NAV3: variants seen among roughly 807,000 people sequenced by gnomAD.
NAV3 encodes the protein pore membrane and/or filament interacting like protein 1.
NAV3 carries 87 observed loss-of-function variants against 244.7 expected under a neutral mutation model. That is an observed-to-expected ratio of 0.36 (90% confidence interval 0.30 to 0.42). The LOEUF is 0.42. NAV3 is among the 20% of genes least tolerant of loss of function. NAV3 has a pLI of 1.00. For missense variants in NAV3, 2,663 were observed against 2,893.3 expected (o/e 0.92, Z 1.83); for synonymous variants, 1,126 against 1,042.2 (o/e 1.08, Z -1.55).
chr12:78,177,020 A>G (rs1958258888), intron 26 of NAV3, 121 bp from the exon 27 acceptor site: 1 of 873,036 alleles, frequency 1.1e-6, no homozygotes, highest in Non-Finnish European at 1.8e-6. Flanking sequence ...AATTGTTAAT[A>G]CTCTGCTTGT....
In NAV3 at chr12:77,797,594, G is replaced by A. The variant is rs545599652; in HGVS notation, c.73-142725G>A. Among the ~76,000 whole-genome samples, 7 of 139,882 alleles carry A rather than the reference G, an allele frequency of 5.0e-5. No individual in the cohort carries two copies. The South Asian group carries it at 1.4e-3, about 27-fold the overall frequency. 91.8% of individuals were successfully genotyped at this position (139,882 alleles called of 152,430 possible). On this transcript the variant is annotated intron_variant, in intron 2 of 8. Transcript: ENST00000550042. ...GTGGTGGCTCAGGCCTGTAATCCCA[G>A]CACTTTGGGAGGCCGAGGTGGGCGG...
Position 78,168,854 on chromosome 12 carries a change from C to A in NAV3, c.4969C>A (p.His1657Asn). 6.2e-7 allele frequency: 1 copy of A among 1,601,756 alleles called. No individual in the cohort carries two copies. Among genetic ancestry groups the A allele is most frequent in the Admixed American group, 1.7e-5 (1 of 58,052 alleles). Reference protein sequence around the residue: ...AIQGALNGPDHPPKDLRIRRQ... With the variant: ...AIQGALNGPDNPPKDLRIRRQ... ...TCAGGGAGCACTGAATGGTCCAGAC[C>A]ATCCTCCCAAAGGTATATTTAGAAA... The change falls in exon 24 of 40, where the codon CAT (histidine) becomes AAT (asparagine). Residue 1657 changes from histidine to asparagine, a missense_variant. Physicochemically the swap from His to Asn is moderately conservative, Grantham distance 68. This residue lies in a region of NAV3 where 193 missense variants were observed against 200.7 expected (regional missense o/e 0.96). Transcript: ENST00000397909.
At chr12:77,687,442 G>A (rs1289430806) in intron 2 of NAV3, among the ~76,000 whole-genome samples, 5 of 151,970 alleles carry the variant, frequency 3.3e-5, no homozygotes, top group Non-Finnish European at 7.4e-5. Context: ...TTCCTCCTCT[G>A]GGTCCATCCC....
At chr12:77,648,726 G>A (rs711126) in intron 2 of NAV3, among the ~76,000 whole-genome samples, 28,623 of 151,968 alleles carry the variant, frequency 0.19, 3,720 homozygotes, top group African/African-American at 0.36. Context: ...GAAAGAGTAG[G>A]GCTCAAGAGG....
chr12:77,868,863 A>T (rs1212930138), intron 1 of NAV3, among the ~76,000 whole-genome samples: 4 of 151,874 alleles, frequency 2.6e-5, no homozygotes, highest in Non-Finnish European at 2.9e-5. Flanking sequence ...TGAGCTCAGG[A>T]GTTCGAGACC....
At chr12:78,081,196 T>C (rs1212831178) in intron 12 of NAV3, among the ~76,000 whole-genome samples, 1 of 152,218 alleles carries the variant, frequency 6.6e-6, no homozygotes, top group African/African-American at 2.4e-5. Context: ...TATAGCGTGA[T>C]AATACGTTAA....
intron 1 of NAV3, among the ~76,000 whole-genome samples, chr12:77,842,362 G>C (rs748504001): frequency 1.6e-4 from 24 of 151,832 alleles, no homozygotes; most frequent in Non-Finnish European, 7.4e-5. Flanking sequence ...CCTGAAAGCA[G>C]GTCTCTCTCT....
chr12:77,719,217 T>G (rs1876501520), intron 2 of NAV3, among the ~76,000 whole-genome samples: 2 of 152,154 alleles, frequency 1.3e-5, no homozygotes, highest in Non-Finnish European at 2.9e-5. Context: ...TTTTGAAATC[T>G]TTAGGGCTTT....
chr12:77,853,417 C>G (rs907665100), intron 1 of NAV3, among the ~76,000 whole-genome samples: 1 of 152,136 alleles, frequency 6.6e-6, no homozygotes, highest in East Asian at 1.9e-4. Flanking sequence ...TATCTTTTCC[C>G]ATTCCATGGG....
At chr12:78,030,385 G>C (rs1482180549) in intron 9 of NAV3, among the ~76,000 whole-genome samples, 1 of 152,112 alleles carries the variant, frequency 6.6e-6, no homozygotes, top group African/African-American at 2.4e-5. Context: ...GCTCAGACTG[G>C]CCCACAGAAT....
intron 2 of NAV3, among the ~76,000 whole-genome samples, chr12:77,711,192 G>A (rs537314477): frequency 6.6e-6 from 1 of 152,298 alleles, no homozygotes; most frequent in Middle Eastern, 3.4e-3. Context: ...CCAATGATCT[G>A]TAGTCTTTTT....
intron 12 of NAV3, among the ~76,000 whole-genome samples, chr12:78,111,697 C>A (rs1260435763): frequency 6.6e-6 from 1 of 151,992 alleles, no homozygotes; most frequent in Non-Finnish European, 1.5e-5. Flanking sequence ...TTTTCAGTTT[C>A]TTTATTCACC....
At chr12:77,995,657 G>A (rs182815080) in intron 6 of NAV3, among the ~76,000 whole-genome samples, 196 of 152,214 alleles carry the variant, frequency 1.3e-3, no homozygotes, top group African/African-American at 4.5e-3. Context: ...CAAAGACTGC[G>A]TCTGATGCTT....
At chr12:77,584,432 AT>A (rs372288178) in intron 2 of NAV3, among the ~76,000 whole-genome samples, 78 of 150,344 alleles carry the variant, frequency 5.2e-4, no homozygotes, top group East Asian at 2.5e-3. Flanking sequence ...CAAAAAAAAA[AT>A]TTTTTTTTTA....
At chr12:78,036,654 G>T in intron 9 of NAV3, 1 of 457,342 alleles carries the variant, frequency 2.2e-6, no homozygotes, top group Non-Finnish European at 3.9e-6. Context: ...CAAAATATTT[G>T]TAAGTACTGC....
At chr12:77,970,464 A>T (rs1892903845) in intron 5 of NAV3, among the ~76,000 whole-genome samples, 1 of 152,142 alleles carries the variant, frequency 6.6e-6, no homozygotes, top group African/African-American at 2.4e-5. Context: ...ATTTCTCTAT[A>T]CAACCATGTA....
At chr12:77,873,294 T>G (rs1390999012) in intron 1 of NAV3, among the ~76,000 whole-genome samples, 3 of 152,120 alleles carry the variant, frequency 2.0e-5, no homozygotes, top group African/African-American at 7.2e-5. Flanking sequence ...GATTTACTTT[T>G]TAGTATATTA....
At chr12:78,150,670 CAT>C (rs1188008483) in intron 22 of NAV3, among the ~76,000 whole-genome samples, 2 of 145,376 alleles carry the variant, frequency 1.4e-5, no homozygotes, top group African/African-American at 5.4e-5. Context: ...CACACACACA[CAT>C]ACACACACAT....
intron 2 of NAV3, among the ~76,000 whole-genome samples, chr12:77,628,902 C>CAAAAA (rs200250331): frequency 1.2e-5 from 1 of 86,656 alleles, no homozygotes; most frequent in Non-Finnish European, 2.4e-5. Context: ...ACCCTGTCTC[C>CAAAAA]AAAAAAAAAA....
Sources: gnomAD v4.1 joint callset for allele counts (sites outside exome capture counted in the v4.1 genomes callset) on GRCh38, gnomAD v4.1.1 for gene constraint, gnomAD v4.1.1 regional missense constraint, MANE v1.5 for transcripts, NCBI Gene and HGNC (gene_info 2026-07-23, HGNC 2026-07-21) for gene names.